Variants in FAAH2 observed in about 807,000 individuals in gnomAD.
FAAH2 encodes the protein fatty-acid amide hydrolase 2.
A neutral mutation model predicts 36.9 loss-of-function variants in FAAH2; 60 were observed. The observed-to-expected ratio is 1.63, with a 90% CI of 1.32 to 2.02. The LOEUF is 2.02. Ranked by LOEUF, FAAH2 falls within the 30% of genes most tolerant of loss-of-function variation. FAAH2 has a pLI of 0.00. For synonymous variants in FAAH2, 214 were observed against 143.8 expected, an observed-to-expected ratio of 1.49 and a Z score of -3.49; for missense variants, 689 against 397.5, an observed-to-expected ratio of 1.73 and a Z score of -6.23.
intron 3 of FAAH2, among the ~76,000 whole-genome samples, chrX:57,325,163 G>T (rs1040053829): frequency 3.6e-5 from 4 of 111,850 alleles, no homozygotes. Flanking sequence ...GTATGTTGAA[G>T]CAGCCTTGCA....
intron 10 of FAAH2, among the ~76,000 whole-genome samples, chrX:57,481,069 C>A (rs1478601467): frequency 9.1e-6 from 1 of 109,824 alleles, no homozygotes; most frequent in African/African-American, 3.3e-5. Flanking sequence ...ACGAAGTTCT[C>A]ATGCTTTTTT....
At chrX:57,336,053 G>C (rs372339687) in intron 4 of FAAH2, among the ~76,000 whole-genome samples, 1 of 111,339 alleles carries the variant, frequency 9.0e-6, no homozygotes, top group Non-Finnish European at 1.9e-5. Flanking sequence ...TCAGGCCTCC[G>C]AGCCCAAGCT....
At chrX:57,468,058 T>A (rs2057084629) in intron 10 of FAAH2, among the ~76,000 whole-genome samples, 1 of 111,472 alleles carries the variant, frequency 9.0e-6, no homozygotes, top group Non-Finnish European at 1.9e-5. Flanking sequence ...GAAGGAAAAC[T>A]AACAAAAAGA....
the FAAH2 span, among the ~76,000 whole-genome samples, chrX:57,168,499 G>A: frequency 9.0e-6 from 1 of 111,497 alleles, no homozygotes; most frequent in Non-Finnish European, 1.9e-5. Context: ...ATAATCACAT[G>A]CATTATTCTA....
At chrX:57,479,796 C>T (rs982301311) in intron 10 of FAAH2, among the ~76,000 whole-genome samples, 1 of 111,149 alleles carries the variant, frequency 9.0e-6, no homozygotes, top group Admixed American at 9.6e-5. Context: ...GTATACTGAA[C>T]CAGCCTTGCA....
intron 7 of FAAH2, among the ~76,000 whole-genome samples, chrX:57,396,464 C>T (rs1355736344): frequency 9.3e-6 from 1 of 107,340 alleles, no homozygotes; most frequent in East Asian, 2.9e-4. Flanking sequence ...TGGATGAAGG[C>T]ATTTAATGCC....
intron 7 of FAAH2, among the ~76,000 whole-genome samples, chrX:57,415,201 T>A (rs2055809789): frequency 9.1e-6 from 1 of 110,444 alleles, no homozygotes; most frequent in African/African-American, 3.3e-5. Context: ...CGTTGATTTT[T>A]CGACGAGTTT....
the FAAH2 span, among the ~76,000 whole-genome samples, chrX:57,200,987 C>G: frequency 2.8e-5 from 3 of 109,091 alleles, no homozygotes; most frequent in African/African-American, 1.0e-4. Flanking sequence ...TGTTTGCTGA[C>G]AAATTTTTAA....
At chrX:57,456,228 A>G (rs775550285) in intron 10 of FAAH2, among the ~76,000 whole-genome samples, 5 of 112,113 alleles carry the variant, frequency 4.5e-5, no homozygotes, top group Non-Finnish European at 9.4e-5. Context: ...TAAGACAGTA[A>G]TTAAAAATTA....
the FAAH2 span, among the ~76,000 whole-genome samples, chrX:57,189,923 G>A: frequency 2.3e-4 from 26 of 112,345 alleles, no homozygotes; most frequent in East Asian, 6.8e-3. Context: ...GCTATGCTAG[G>A]AGAACCGTAT....
the FAAH2 span, among the ~76,000 whole-genome samples, chrX:57,155,069 C>T: frequency 3.6e-5 from 4 of 111,883 alleles, no homozygotes; most frequent in Non-Finnish European, 7.5e-5. Flanking sequence ...ATACCAGCAC[C>T]TGCTGCTGTG....
chrX:57,357,187 G>A (rs776069342), intron 5 of FAAH2, among the ~76,000 whole-genome samples: 3 of 78,572 alleles, frequency 3.8e-5, no homozygotes, highest in Non-Finnish European at 9.2e-5. Context: ...ATTAACTCAG[G>A]ATGGATTAAA....
intron 10 of FAAH2, among the ~76,000 whole-genome samples, chrX:57,487,471 A>T (rs958271128): frequency 1.8e-5 from 2 of 112,038 alleles, no homozygotes; most frequent in Non-Finnish European, 3.8e-5. Flanking sequence ...AATGGATTTC[A>T]ATAGATATTT....
chrX:57,211,340 G>C, the FAAH2 span, among the ~76,000 whole-genome samples: 1 of 111,235 alleles, frequency 9.0e-6, no homozygotes. Flanking sequence ...CACTACTAAA[G>C]GGACCTGAGA....
At chrX:57,288,793 A>G (rs183497499) in intron 1 of FAAH2, among the ~76,000 whole-genome samples, 10 of 111,431 alleles carry the variant, frequency 9.0e-5, no homozygotes, top group East Asian at 8.5e-4. Context: ...TGGCATACTA[A>G]TCCTATATAA....
intron 10 of FAAH2, among the ~76,000 whole-genome samples, chrX:57,473,802 T>C (rs1028266329): frequency 3.6e-5 from 4 of 111,648 alleles, no homozygotes; most frequent in African/African-American, 1.3e-4. Flanking sequence ...TGATCTAAAG[T>C]CTGTTTTATC....
chrX:57,450,356 G>A (rs890644841), intron 10 of FAAH2, among the ~76,000 whole-genome samples: 4 of 110,316 alleles, frequency 3.6e-5, no homozygotes, highest in Non-Finnish European at 5.7e-5. Context: ...AGCAACTGAA[G>A]TTATCTTTGT....
At position 57,448,509 on chromosome X, in the gene FAAH2, G is replaced by T; in HGVS notation, c.1229-15G>T. ...AGTTTATTACCTTAACTTGATATATGATATCATTCTGTAGGACTGGCTTTG... is the reference window on the plus strand; with the variant it reads ...AGTTTATTACCTTAACTTGATATATTATATCATTCTGTAGGACTGGCTTTG... On this transcript the variant is annotated splice_polypyrimidine_tract_variant and intron_variant, in intron 9 of 10. Coordinates refer to ENST00000374900, the MANE Select transcript of FAAH2 (RefSeq NM_174912.4). The T allele has an allele frequency of 8.4e-7, 1 of 1,194,276 alleles. No individual in the cohort carries two copies. The highest frequency in any genetic ancestry group is 1.1e-6 in the Non-Finnish European group (1 of 884,371).
At chrX:57,175,479 C>G in the FAAH2 span, among the ~76,000 whole-genome samples, 1 of 111,828 alleles carries the variant, frequency 8.9e-6, no homozygotes, top group Admixed American at 9.5e-5. Flanking sequence ...ACATGACTCT[C>G]TGGAAGATAG....
Sources: allele counts gnomAD v4.1 joint callset (sites outside exome capture counted in the v4.1 genomes callset), GRCh38; gene constraint gnomAD v4.1.1; transcripts MANE v1.5; gene names NCBI Gene and HGNC (gene_info 2026-07-23, HGNC 2026-07-21).